FRYL: variants seen among roughly 807,000 people sequenced by gnomAD.
The protein encoded by FRYL is FRY like transcription coactivator.
A neutral mutation model predicts 351.2 loss-of-function variants in FRYL; 150 were observed. The ratio of observed to expected loss-of-function variants is 0.43; its 90% CI spans 0.37 to 0.49. FRYL has a LOEUF of 0.49. FRYL is among the 20% of genes least tolerant of loss of function. The pLI, the probability that FRYL is intolerant of heterozygous loss-of-function variation, is 0.00. For synonymous variants in FRYL, 1,153 were observed against 1,257.1 expected (o/e 0.92, Z 1.75); for missense variants, 3,036 against 3,619.3 (o/e 0.84, Z 4.13).
chr4:48,587,550 ATT>A (rs552140691), intron 18 of FRYL, among the ~76,000 whole-genome samples: 2 of 147,928 alleles, frequency 1.4e-5, no homozygotes, highest in Non-Finnish European at 3.0e-5. Flanking sequence ...TTTATTTTTT[ATT>A]TTTTTTTTGA....
At chr4:48,514,228 C>T (rs1197322045) in intron 56 of FRYL, among the ~76,000 whole-genome samples, 1 of 152,008 alleles carries the variant, frequency 6.6e-6, no homozygotes, top group Non-Finnish European at 1.5e-5. Flanking sequence ...TATCCAGGAG[C>T]TCCAAATTGT....
At chr4:48,505,355 A>T in intron 60 of FRYL, 192 bp downstream of exon 60, 3 of 620,112 alleles carry the variant, frequency 4.8e-6, no homozygotes, top group Non-Finnish European at 2.9e-6. Context: ...GTTCATTTTT[A>T]TTAAAGTGAA....
intron 1 of FRYL, among the ~76,000 whole-genome samples, chr4:48,712,770 A>G (rs6819262): frequency 0.98 from 149,217 of 151,760 alleles, 73,393 homozygotes; most frequent in East Asian, 1. Flanking sequence ...TCCAAGACAC[A>G]TAATTGTCAG....
chr4:48,627,422 G>C (rs1198503361), intron 4 of FRYL, among the ~76,000 whole-genome samples: 3 of 152,116 alleles, frequency 2.0e-5, no homozygotes, highest in Non-Finnish European at 4.4e-5. Flanking sequence ...GAATAAGAGA[G>C]AGTGATAAAC....
intron 1 of FRYL, among the ~76,000 whole-genome samples, chr4:48,736,023 A>G (rs1299362336): frequency 2.6e-5 from 4 of 151,508 alleles, no homozygotes. Context: ...ATCTGCTCTC[A>G]GACCACAATC....
At chr4:48,546,017 G>C (rs1170852079) in intron 42 of FRYL, 50 bp downstream of exon 42, 3 of 1,512,208 alleles carry the variant, frequency 2.0e-6, no homozygotes, top group Non-Finnish European at 1.8e-6. Flanking sequence ...ATCAATGAAA[G>C]AATGACTTAA....
intron 4 of FRYL, among the ~76,000 whole-genome samples, chr4:48,631,212 G>C (rs1264571534): frequency 6.6e-6 from 1 of 152,180 alleles, no homozygotes; most frequent in Admixed American, 6.6e-5. Flanking sequence ...GGTTTTCCTG[G>C]TGTGTCAGGA....
At chr4:48,741,032 G>GAA (rs548301237) in intron 1 of FRYL, among the ~76,000 whole-genome samples, 7 of 137,270 alleles carry the variant, frequency 5.1e-5, no homozygotes, top group South Asian at 2.3e-4. Context: ...TAGATTTGAT[G>GAA]AAAAAAAAAA....
intron 3 of FRYL, among the ~76,000 whole-genome samples, chr4:48,641,390 C>T (rs1315980247): frequency 6.6e-6 from 1 of 151,858 alleles, no homozygotes; most frequent in African/African-American, 2.4e-5. Context: ...AAAATATTAT[C>T]TTTTTAGTCT....
intron 1 of FRYL, among the ~76,000 whole-genome samples, chr4:48,725,158 C>T (rs1229426429): frequency 2.0e-5 from 3 of 152,214 alleles, no homozygotes; most frequent in African/African-American, 4.8e-5. Flanking sequence ...GGTATTTTGA[C>T]ATGAGACAAA....
At chr4:48,690,164 CA>C (rs1765557203) in intron 2 of FRYL, among the ~76,000 whole-genome samples, 1 of 151,936 alleles carries the variant, frequency 6.6e-6, no homozygotes, top group Non-Finnish European at 1.5e-5. Context: ...CTCGGCCTCC[CA>C]AAGTGCTGGG....
At chr4:48,558,849 C>T (rs1734746787) in intron 33 of FRYL, among the ~76,000 whole-genome samples, 1 of 152,166 alleles carries the variant, frequency 6.6e-6, no homozygotes, top group Non-Finnish European at 1.5e-5. Flanking sequence ...TTCCAAAGCC[C>T]GTGAGCCTTT....
At chr4:48,689,751 C>CA (rs1464251935) in intron 2 of FRYL, among the ~76,000 whole-genome samples, 1 of 152,106 alleles carries the variant, frequency 6.6e-6, no homozygotes, top group African/African-American at 2.4e-5. Context: ...TGTCATCTTC[C>CA]AAAAAGCACA....
intron 3 of FRYL, among the ~76,000 whole-genome samples, chr4:48,668,013 C>G (rs142356517): frequency 1.3e-5 from 2 of 152,142 alleles, no homozygotes; most frequent in African/African-American, 4.8e-5. Context: ...TACCAATATT[C>G]TTTTCTGTGG....
chr4:48,522,114 C>CA (rs1725041458), intron 54 of FRYL, among the ~76,000 whole-genome samples: 2 of 152,164 alleles, frequency 1.3e-5, no homozygotes, highest in South Asian at 4.2e-4. Context: ...CCCATCTCTA[C>CA]AAAAAATTTA....
At chr4:48,574,691 G>A (rs969863023) in intron 25 of FRYL, among the ~76,000 whole-genome samples, 2 of 152,020 alleles carry the variant, frequency 1.3e-5, no homozygotes, top group Admixed American at 6.6e-5. Flanking sequence ...AAAACATCAC[G>A]AATGATATCA....
intron 1 of FRYL, among the ~76,000 whole-genome samples, chr4:48,715,077 T>G (rs1281812941): frequency 2.0e-5 from 3 of 152,170 alleles, no homozygotes; most frequent in African/African-American, 4.8e-5. Flanking sequence ...CAATAACCCT[T>G]CATGCTAAAA....
At chr4:48,681,184 T>C (rs2149539955) in intron 3 of FRYL, 1 of 721,648 alleles carries the variant, frequency 1.4e-6, no homozygotes, top group Non-Finnish European at 1.8e-6. Context: ...CTATACCAAC[T>C]TCCTTGATGA....
At chr4:48,557,244 G>A in intron 34 of FRYL, 126 bp from the exon 35 acceptor site, 2 of 1,255,910 alleles carry the variant, frequency 1.6e-6, no homozygotes, top group South Asian at 1.7e-5. Context: ...ACACTTTACA[G>A]AAACAATAAT....
Sources: allele counts gnomAD v4.1 joint callset (sites outside exome capture counted in the v4.1 genomes callset), GRCh38; gene constraint gnomAD v4.1.1; transcripts MANE v1.5; gene names NCBI Gene and HGNC (gene_info 2026-07-23, HGNC 2026-07-21).